The following NDUFS4 variants were observed in gnomAD, a reference collection of about 807,000 sequenced individuals.
The protein encoded by NDUFS4 is NADH:ubiquinone oxidoreductase subunit S4.
A neutral mutation model predicts 24.3 loss-of-function variants in NDUFS4; 28 were observed. That is an observed-to-expected ratio of 1.15 (90% CI 0.85 to 1.58). NDUFS4 has a LOEUF of 1.58. NDUFS4 is among the 40% of genes most tolerant of loss of function. The pLI is 0.00. For synonymous variants in NDUFS4, 93 were observed against 69.7 expected (o/e 1.34, Z -1.67); for missense variants, 223 against 207.9 (o/e 1.07, Z -0.45).
intron 1 of NDUFS4, among the ~76,000 whole-genome samples, chr5:53,593,540 A>G (rs777838347): frequency 6.8e-6 from 1 of 147,514 alleles, no homozygotes; most frequent in Non-Finnish European, 1.5e-5. Flanking sequence ...CCTATTTACA[A>G]TTTCATTGAT....
chr5:53,564,292 C>T (rs892225757), intron 1 of NDUFS4, among the ~76,000 whole-genome samples: 6 of 152,122 alleles, frequency 3.9e-5, no homozygotes, highest in Non-Finnish European at 7.4e-5. Context: ...GGGAAATAGG[C>T]TAAGCTCAAA....
intron 4 of NDUFS4, among the ~76,000 whole-genome samples, chr5:53,678,185 A>G (rs1298776116): frequency 1.3e-5 from 2 of 152,116 alleles, no homozygotes; most frequent in Non-Finnish European, 2.9e-5. Context: ...GATCTACAAA[A>G]TAAACTGTCA....
Position 53,630,188 on chromosome 5 carries a change from A to C in NDUFS4, c.178-16045A>C, listed in dbSNP as rs181821526. Among the ~76,000 whole-genome samples the C allele has an allele frequency of 9.0e-4, 137 of 152,320 alleles. 4 individuals are homozygous for C. The East Asian group carries it at 0.016, about 18-fold the overall frequency. Reference sequence around the variant, plus strand: ...TTCTGGGTTGAAAGTTCTTTTCTTTAAGAATGTTGAATATTGACCCCTACT... The same window carrying C: ...TTCTGGGTTGAAAGTTCTTTTCTTTCAGAATGTTGAATATTGACCCCTACT... On this transcript the variant is annotated intron_variant, in intron 2 of 4. Transcript: ENST00000296684.
At position 53,621,055 on chromosome 5, in the gene NDUFS4, A is replaced by G. The variant is rs966681050; in HGVS notation, c.177+17525A>G. Among the ~76,000 whole-genome samples, 4 of 152,266 alleles carry G rather than the reference A, an allele frequency of 2.6e-5. No homozygotes were observed. The East Asian group carries it at 7.7e-4, about 29-fold the overall frequency. The stretch of plus-strand genomic sequence containing the variant: ...TTGAGAGAGAAGAGTTAACGTCTCA[A>G]ACTATAATTGGTATCTTTCCTGTGT... On this transcript the variant is annotated intron_variant, in intron 2 of 4. Coordinates refer to ENST00000296684, the MANE Select transcript of NDUFS4 (RefSeq NM_002495.4).
intron 2 of NDUFS4, among the ~76,000 whole-genome samples, chr5:53,627,679 GTT>G (rs1751272323): frequency 6.6e-6 from 1 of 152,088 alleles, no homozygotes; most frequent in Non-Finnish European, 1.5e-5. Flanking sequence ...TTGGCTCTCT[GTT>G]TGTCTGTTAT....
At chr5:53,636,309 T>G (rs964556863) in intron 2 of NDUFS4, among the ~76,000 whole-genome samples, 3 of 152,222 alleles carry the variant, frequency 2.0e-5, no homozygotes, top group African/African-American at 7.2e-5. Context: ...TTCTATCAAT[T>G]TATCCAGCCA....
At chr5:53,619,608 T>C (rs943263307) in intron 2 of NDUFS4, among the ~76,000 whole-genome samples, 2 of 151,932 alleles carry the variant, frequency 1.3e-5, no homozygotes, top group African/African-American at 4.8e-5. Context: ...AAACATTAAT[T>C]TGGAAATGAA....
intron 2 of NDUFS4, among the ~76,000 whole-genome samples, chr5:53,622,313 G>A (rs1297554331): frequency 6.6e-6 from 1 of 152,066 alleles, no homozygotes; most frequent in Non-Finnish European, 1.5e-5. Flanking sequence ...AGACTGGGTG[G>A]TTCAAACAAC....
In NDUFS4 at chr5:53,682,857, A is replaced by G. The variant is rs931152330; in HGVS notation, c.425-261A>G. Among the ~76,000 whole-genome samples, 3 of 152,264 alleles carry G rather than the reference A, an allele frequency of 2.0e-5. No individual in the cohort carries two copies. In the South Asian group the frequency reaches 6.2e-4, roughly 32 times the overall value. ...ATACATAGATATCAGTAATTGAGCA[A>G]GGTGAAATTGAATCATAGTTTACAT... On this transcript the variant is annotated intron_variant, in intron 4 of 4. Coordinates refer to ENST00000296684, the MANE Select transcript of NDUFS4 (RefSeq NM_002495.4).
intron 1 of NDUFS4, among the ~76,000 whole-genome samples, chr5:53,567,277 C>G (rs1038998545): frequency 2.0e-5 from 3 of 152,156 alleles, no homozygotes; most frequent in African/African-American, 7.2e-5. Context: ...AATATTATGT[C>G]TGGTAATAAT....
intron 1 of NDUFS4, among the ~76,000 whole-genome samples, chr5:53,591,262 T>G (rs1440262287): frequency 6.6e-6 from 1 of 152,150 alleles, no homozygotes; most frequent in Non-Finnish European, 1.5e-5. Context: ...TCTGTTCTAG[T>G]CCCTGCTTTA....
intron 1 of NDUFS4, among the ~76,000 whole-genome samples, chr5:53,566,240 A>G (rs1749021610): frequency 6.6e-6 from 1 of 152,190 alleles, no homozygotes; most frequent in East Asian, 1.9e-4. Context: ...AATACTTGCT[A>G]GAAGAGATCT....
chr5:53,604,926 T>G (rs1037704416), intron 2 of NDUFS4: 2 of 455,016 alleles, frequency 4.4e-6, no homozygotes, highest in Non-Finnish European at 8.8e-6. Flanking sequence ...TAGTCAAGTA[T>G]AAAAGAAATG....
intron 3 of NDUFS4, among the ~76,000 whole-genome samples, chr5:53,652,969 G>T (rs1752060141): frequency 6.6e-6 from 1 of 151,224 alleles, no homozygotes; most frequent in African/African-American, 2.4e-5. Context: ...TTATCTTTTA[G>T]GTTAGTAAAT....
chr5:53,632,862 A>G (rs181073107), intron 2 of NDUFS4, among the ~76,000 whole-genome samples: 1 of 152,268 alleles, frequency 6.6e-6, no homozygotes, highest in East Asian at 1.9e-4. Context: ...CACTGTGACA[A>G]TTCTTTTGCA....
intron 2 of NDUFS4, among the ~76,000 whole-genome samples, chr5:53,605,662 A>T (rs1252415076): frequency 1.3e-5 from 2 of 152,176 alleles, no homozygotes; most frequent in African/African-American, 4.8e-5. Flanking sequence ...GACTCCCCTC[A>T]AGTACCAAAA....
intron 1 of NDUFS4, among the ~76,000 whole-genome samples, chr5:53,572,979 T>C (rs1561334526): frequency 6.7e-6 from 1 of 148,596 alleles, no homozygotes; most frequent in Non-Finnish European, 1.5e-5. Context: ...TGTTTTTTTT[T>C]TTTTTTAAGA....
At chr5:53,659,908 G>C (rs973723751) in intron 4 of NDUFS4, among the ~76,000 whole-genome samples, 1 of 152,084 alleles carries the variant, frequency 6.6e-6, no homozygotes, top group Non-Finnish European at 1.5e-5. Flanking sequence ...GAGAATTGCT[G>C]TGGTGATTAA....
At chr5:53,681,583 G>GTAAC (rs1740667478) in intron 4 of NDUFS4, among the ~76,000 whole-genome samples, 1 of 152,012 alleles carries the variant, frequency 6.6e-6, no homozygotes, top group Admixed American at 6.6e-5. Context: ...CTATAGCTTT[G>GTAAC]TAACTTTAAT....
Sources: allele counts gnomAD v4.1 joint callset (sites outside exome capture counted in the v4.1 genomes callset), GRCh38; gene constraint gnomAD v4.1.1; transcripts MANE v1.5; gene names NCBI Gene and HGNC (gene_info 2026-07-23, HGNC 2026-07-21).